Variants in SAMHD1 observed in about 807,000 individuals in gnomAD.
SAMHD1 encodes SAM and HD domain containing deoxynucleoside triphosphate triphosphohydrolase 1, also known as deoxynucleoside triphosphate triphosphohydrolase SAMHD1.
SAMHD1 carries 54 observed loss-of-function variants against 79.6 expected under a neutral mutation model. That is an observed-to-expected ratio of 0.68 (90% CI 0.55 to 0.85). The LOEUF (loss-of-function observed/expected upper bound fraction) is 0.85. Among genes scored for constraint, SAMHD1 ranks in the 40% least tolerant of loss-of-function variants. SAMHD1 has a pLI of 0.00. For missense variants in SAMHD1, 663 were observed against 782.7 expected (o/e 0.85, Z 1.82); for synonymous variants, 260 against 264.1 (o/e 0.98, Z 0.15).
At chr20:36,908,301 G>A (rs961719324) in intron 11 of SAMHD1, among the ~76,000 whole-genome samples, 7 of 151,678 alleles carry the variant, frequency 4.6e-5, no homozygotes, top group Non-Finnish European at 8.8e-5. Context: ...GGACTTCAGT[G>A]GTGCAATCTT....
chr20:36,908,065 A>C (rs1296552890), intron 11 of SAMHD1, among the ~76,000 whole-genome samples: 2 of 151,460 alleles, frequency 1.3e-5, no homozygotes, highest in Non-Finnish European at 2.9e-5. Flanking sequence ...TAGTAGAGAC[A>C]GGGTTTCACC....
chr20:36,940,754 C>A (rs1025214799), intron 3 of SAMHD1: 2 of 460,580 alleles, frequency 4.3e-6, no homozygotes, highest in African/African-American at 4.0e-5. Context: ...ATATTTTGCT[C>A]TAAAAATAAC....
Position 36,930,697 on chromosome 20 carries a change from G to A in SAMHD1, c.625+63C>T, listed in dbSNP as rs1285708197. ...CTCTTGGTTGATCTGATTTTTTAAC[G>A]TCAAAGAGAGGTAACATATGTTATG... On this transcript the variant is annotated intron_variant, in intron 5 of 15. Coordinates refer to ENST00000646673, the MANE Select transcript of SAMHD1 (RefSeq NM_015474.4). 22 of 1,110,008 alleles carry A rather than the reference G, an allele frequency of 2.0e-5. No individual in the cohort carries two copies. In the Admixed American group the frequency reaches 2.0e-4, roughly 10 times the overall value. 68.8% of individuals were successfully genotyped at this position (1,110,008 alleles called of 1,614,324 possible).
rs1391885872 is a variant in SAMHD1 at position 36,898,639 on chromosome 20, C to T, written c.1504-95G>A. ...AACAAGAAATGGAACAGAGGCCGGG[C>T]GCAGTAGCTCATGCCTATAATCCCA... On this transcript the variant is annotated intron_variant, in intron 13 of 15. Transcript: ENST00000646673. 9.6e-6 allele frequency: 9 copies of T among 941,356 alleles called. No individual in the cohort carries two copies. In the Middle Eastern group the frequency reaches 6.6e-4, roughly 69 times the overall value. 58.3% of individuals were successfully genotyped at this position (941,356 alleles called of 1,614,324 possible). A position where few individuals can be genotyped will look rare whatever the true frequency, so the allele number is the denominator to read the frequency against.
rs139612591 is a variant in SAMHD1, at chr20:36,919,918, G to A, written c.697-399C>T. ...GGCACTACCATCTAGTGGTGAAAAG[G>A]GGTAACTGCAAACTTGCCAGTAAAA... On this transcript the variant is annotated intron_variant, in intron 6 of 15. Transcript: ENST00000646673. Among the ~76,000 whole-genome samples, 1,080 of 152,138 alleles carry A rather than the reference G, an allele frequency of 7.1e-3. 27 individuals are homozygous for A. The highest frequency in any genetic ancestry group is 0.062 in the Admixed American group (943 of 15,246).
At chr20:36,902,402 C>T (rs1175389000) in intron 13 of SAMHD1, among the ~76,000 whole-genome samples, 1 of 152,112 alleles carries the variant, frequency 6.6e-6, no homozygotes, top group Non-Finnish European at 1.5e-5. Context: ...AGGCTGGTCC[C>T]GAACTCCTGA....
intron 1 of SAMHD1, among the ~76,000 whole-genome samples, chr20:36,950,685 GAAC>G (rs2063727967): frequency 6.6e-6 from 1 of 152,162 alleles, no homozygotes. Context: ...GTGGTCAACT[GAAC>G]AACCCCAAGG....
chr20:36,909,118 C>T (rs1393009687), intron 11 of SAMHD1, among the ~76,000 whole-genome samples: 6 of 152,086 alleles, frequency 3.9e-5, no homozygotes, highest in East Asian at 3.9e-4. Flanking sequence ...CGTGCCACCA[C>T]GCCTGGCTCA....
intron 15 of SAMHD1, among the ~76,000 whole-genome samples, chr20:36,896,269 A>G (rs1468854738): frequency 6.6e-6 from 1 of 151,500 alleles, no homozygotes; most frequent in Non-Finnish European, 1.5e-5. Flanking sequence ...CACCGCGCCC[A>G]GCCTATCCAT....
chr20:36,893,158 A>G (rs534458534), intron 15 of SAMHD1, 92 bp from the exon 16 acceptor site: 5 of 1,476,340 alleles, frequency 3.4e-6, no homozygotes, highest in South Asian at 1.1e-5. Flanking sequence ...GCACATCCTC[A>G]TCTTGCATAT....
rs184980213 is a variant in SAMHD1 at position 36,910,328 on chromosome 20, C to T, written c.1270+890G>A. ...TGAGGCAAGAGGATCACTTGAGCTC[C>T]GGAGGTTGAGGCTGCAATAAGCTGT... On this transcript the variant is annotated intron_variant, in intron 11 of 15. Coordinates refer to ENST00000646673, the MANE Select transcript of SAMHD1 (RefSeq NM_015474.4). Among the ~76,000 whole-genome samples the T allele has an allele frequency of 2.0e-3, 303 of 151,398 alleles. 3 individuals carry two copies. The highest frequency in any genetic ancestry group is 6.6e-3 in the African/African-American group (271 of 41,180).
intron 4 of SAMHD1, 38 bp from the exon 5 acceptor site, chr20:36,930,913 G>A (rs1470189270): frequency 1.5e-6 from 2 of 1,376,388 alleles, no homozygotes; most frequent in South Asian, 1.2e-5. Flanking sequence ...TTTTCTGTTT[G>A]CAAGAGGAGT....
chr20:36,911,394 T>A, intron 10 of SAMHD1, 61 bp from the exon 11 acceptor site: 1 of 1,006,560 alleles, frequency 9.9e-7, no homozygotes, highest in Non-Finnish European at 1.6e-6. Flanking sequence ...GCCTTATGTC[T>A]TACTTAAGGA....
chr20:36,944,077 CAAA>C (rs542947370), intron 2 of SAMHD1, among the ~76,000 whole-genome samples: 36 of 89,986 alleles, frequency 4.0e-4, no homozygotes, highest in African/African-American at 1.0e-3. Flanking sequence ...GACTCCATCT[CAAA>C]AAAAAAAAAA....
chr20:36,928,192 G>A (rs1028185299), intron 5 of SAMHD1, among the ~76,000 whole-genome samples: 11 of 150,612 alleles, frequency 7.3e-5, no homozygotes, highest in Non-Finnish European at 1.6e-4. Context: ...TTCGAGACCA[G>A]CCCGGCCAAC....
intron 15 of SAMHD1, chr20:36,894,341 A>T (rs1990156119): frequency 6.5e-6 from 1 of 154,484 alleles, no homozygotes; most frequent in Non-Finnish European, 1.4e-5. Flanking sequence ...GGTTCAAGCG[A>T]TTCTCCCGCC....
At chr20:36,899,155 C>T (rs759674577) in intron 13 of SAMHD1, among the ~76,000 whole-genome samples, 11 of 150,526 alleles carry the variant, frequency 7.3e-5, no homozygotes, top group Non-Finnish European at 1.0e-4. Flanking sequence ...AACAAGGACA[C>T]TTTAAAATAA....
chr20:36,914,662 G>A (rs2063465113), intron 9 of SAMHD1, among the ~76,000 whole-genome samples: 1 of 151,594 alleles, frequency 6.6e-6, no homozygotes, highest in Admixed American at 6.6e-5. Context: ...GCCTGGCCTT[G>A]CCTTATGATT....
intron 2 of SAMHD1, among the ~76,000 whole-genome samples, chr20:36,945,983 C>T (rs1004525403): frequency 2.6e-5 from 4 of 151,086 alleles, no homozygotes; most frequent in South Asian, 4.2e-4. Flanking sequence ...ATTTGTACAG[C>T]GAAAACAAAC....
Sources: allele counts gnomAD v4.1 joint callset (sites outside exome capture counted in the v4.1 genomes callset), GRCh38; gene constraint gnomAD v4.1.1; transcripts MANE v1.5; gene names NCBI Gene and HGNC (gene_info 2026-07-23, HGNC 2026-07-21).